Variants in MYO6 observed in about 807,000 individuals in gnomAD.
MYO6 encodes the protein unconventional myosin-VI.
Under a neutral mutation model 178.7 loss-of-function variants are expected in MYO6, and 74 were observed. The ratio of observed to expected loss-of-function variants is 0.41; its 90% CI spans 0.34 to 0.50. The LOEUF (loss-of-function observed/expected upper bound fraction) is 0.50, where lower values mean the gene tolerates loss of function less well. MYO6 is among the 20% of genes least tolerant of loss of function. The pLI, the probability that MYO6 is intolerant of heterozygous loss-of-function variation, is 0.09. For missense variants in MYO6, 1,330 were observed against 1,547.4 expected, an observed-to-expected ratio of 0.86 and a Z score of 2.36; for synonymous variants, 477 against 504.6, an observed-to-expected ratio of 0.95 and a Z score of 0.73.
intron 1 of MYO6, among the ~76,000 whole-genome samples, chr6:75,750,452 C>T (rs1776778231): frequency 6.6e-6 from 1 of 151,266 alleles, no homozygotes; most frequent in Non-Finnish European, 1.5e-5. Flanking sequence ...TGCTTAAATC[C>T]TGATTTACAA....
intron 32 of MYO6, among the ~76,000 whole-genome samples, chr6:75,911,338 A>G (rs1040102120): frequency 3.9e-5 from 6 of 152,030 alleles, no homozygotes; most frequent in Admixed American, 2.0e-4. Context: ...CTAGTAATGT[A>G]TGAAAGGTAC....
intron 20 of MYO6, among the ~76,000 whole-genome samples, chr6:75,877,777 G>GT (rs1777680222): frequency 6.6e-6 from 1 of 151,590 alleles, no homozygotes; most frequent in Admixed American, 6.6e-5. Flanking sequence ...TGCCTTAGTG[G>GT]TTAAAAAAAA....
chr6:75,894,584 T>C (rs1223561282), intron 28 of MYO6, among the ~76,000 whole-genome samples: 1 of 131,778 alleles, frequency 7.6e-6, no homozygotes, highest in Non-Finnish European at 1.7e-5. Flanking sequence ...TATACAGATA[T>C]CACATGTTTG....
At chr6:75,888,281 A>G (rs1778622700) in intron 25 of MYO6, among the ~76,000 whole-genome samples, 1 of 151,996 alleles carries the variant, frequency 6.6e-6, no homozygotes, top group Admixed American at 6.6e-5. Flanking sequence ...GACTACGTCT[A>G]AAAATAAATA....
intron 2 of MYO6, 136 bp from the exon 3 acceptor site, chr6:75,822,646 A>G: frequency 1.5e-6 from 1 of 669,794 alleles, no homozygotes; most frequent in South Asian, 1.6e-5. Context: ...GACTTGTTAA[A>G]TAGTATTATC....
intron 1 of MYO6, among the ~76,000 whole-genome samples, chr6:75,753,728 C>G (rs1472638721): frequency 6.6e-6 from 1 of 152,034 alleles, no homozygotes; most frequent in Non-Finnish European, 1.5e-5. Context: ...TCCCAAAGTA[C>G]TGGGATTACA....
intron 1 of MYO6, among the ~76,000 whole-genome samples, chr6:75,792,473 C>T (rs1768345742): frequency 6.6e-6 from 1 of 152,084 alleles, no homozygotes. Context: ...TGTCATTATG[C>T]CAAAAAATAA....
At chr6:75,779,230 A>G (rs563850506) in intron 1 of MYO6, among the ~76,000 whole-genome samples, 2 of 152,092 alleles carry the variant, frequency 1.3e-5, no homozygotes, top group African/African-American at 4.8e-5. Context: ...GGCCGGGTGC[A>G]GTGTCTCACA....
rs1772257298 is a variant in MYO6, at chr6:75,824,672, G to C, written c.187+1821G>C. 2.6e-5 allele frequency among the ~76,000 whole-genome samples: 4 copies of C among 152,098 alleles called. No individual in the cohort carries two copies. In the South Asian group the frequency reaches 8.3e-4, roughly 32 times the overall value. Reference sequence around the variant, plus strand: ...TGATGCCTGTAGAGAGTGTTCTGAAGTATGTGTTGAAGGTTCTACTGAAAC... The same window carrying C: ...TGATGCCTGTAGAGAGTGTTCTGAACTATGTGTTGAAGGTTCTACTGAAAC... On this transcript the variant is annotated intron_variant, in intron 3 of 34. Transcript: ENST00000369977.
At chr6:75,839,735 C>T (rs2150246853) in intron 7 of MYO6, among the ~76,000 whole-genome samples, 1 of 152,000 alleles carries the variant, frequency 6.6e-6, no homozygotes, top group African/African-American at 2.4e-5. Flanking sequence ...GATTTTAAAA[C>T]CCATTATTCT....
intron 1 of MYO6, among the ~76,000 whole-genome samples, chr6:75,783,458 A>G (rs1767194160): frequency 6.6e-6 from 1 of 151,550 alleles, no homozygotes; most frequent in African/African-American, 2.4e-5. Flanking sequence ...CTCTTCCGGT[A>G]TTTTGATGAT....
At chr6:75,882,078 G>A (rs758852681) in intron 23 of MYO6, among the ~76,000 whole-genome samples, 3 of 151,962 alleles carry the variant, frequency 2.0e-5, no homozygotes, top group Non-Finnish European at 4.4e-5. Flanking sequence ...TTGATCTCTC[G>A]TCCCCGCACC....
chr6:75,825,093 T>C (rs1237772698), intron 3 of MYO6, among the ~76,000 whole-genome samples: 1 of 152,200 alleles, frequency 6.6e-6, no homozygotes, highest in Non-Finnish European at 1.5e-5. Context: ...GGGTTTTATA[T>C]GTAGAAATTA....
At chr6:75,787,608 G>A (rs1767700055) in intron 1 of MYO6, among the ~76,000 whole-genome samples, 1 of 145,506 alleles carries the variant, frequency 6.9e-6, no homozygotes, top group South Asian at 2.2e-4. Context: ...CTACAAAGGG[G>A]GCATGAGGGA....
chr6:75,755,080 A>G (rs1022342463), intron 1 of MYO6, among the ~76,000 whole-genome samples: 14 of 152,086 alleles, frequency 9.2e-5, no homozygotes, highest in Non-Finnish European at 1.6e-4. Flanking sequence ...ATATTATACA[A>G]AAATTAGCTG....
chr6:75,799,001 T>A (rs1360268392), intron 1 of MYO6, among the ~76,000 whole-genome samples: 1 of 152,182 alleles, frequency 6.6e-6, no homozygotes, highest in Non-Finnish European at 1.5e-5. Flanking sequence ...CAATCCCGTT[T>A]ACAACAGCCA....
intron 1 of MYO6, among the ~76,000 whole-genome samples, chr6:75,768,380 T>G (rs1184361083): frequency 9.7e-6 from 1 of 102,878 alleles, no homozygotes; most frequent in African/African-American, 4.1e-5. Context: ...TTATTTTATT[T>G]TATTTTATTT....
At chr6:75,905,433 T>A (rs1350728215) in intron 30 of MYO6, among the ~76,000 whole-genome samples, 1 of 152,252 alleles carries the variant, frequency 6.6e-6, no homozygotes, top group Non-Finnish European at 1.5e-5. Flanking sequence ...GCCATTTTTT[T>A]AAGCCCGTCG....
chr6:75,779,174 C>T (rs539919397), intron 1 of MYO6, among the ~76,000 whole-genome samples: 21 of 151,102 alleles, frequency 1.4e-4, no homozygotes, highest in African/African-American at 4.8e-4. Context: ...GCTGGGATTA[C>T]AGGCACATGC....
Sources: gnomAD v4.1 joint callset for allele counts (sites outside exome capture counted in the v4.1 genomes callset) on GRCh38, gnomAD v4.1.1 for gene constraint, MANE v1.5 for transcripts, NCBI Gene and HGNC (gene_info 2026-07-23, HGNC 2026-07-21) for gene names.